The following PLCXD2 variants were observed in gnomAD, a reference collection of about 807,000 sequenced individuals.
The protein encoded by PLCXD2 is PI-PLC X domain-containing protein 2.
PLCXD2 carries 21 observed loss-of-function variants against 28.6 expected under a neutral mutation model. That is an observed-to-expected ratio of 0.73 (90% CI 0.52 to 1.06). The LOEUF is 1.06. Ranked by LOEUF, PLCXD2 falls within the 50% of genes least tolerant of loss-of-function variation. The pLI, the probability that PLCXD2 is intolerant of heterozygous loss-of-function variation, is 0.00. For synonymous variants in PLCXD2, 140 were observed against 150.1 expected, an observed-to-expected ratio of 0.93 and a Z score of 0.49; for missense variants, 369 against 376.7, an observed-to-expected ratio of 0.98 and a Z score of 0.17.
chr3:111,680,923 GATA>G (rs1380522982), intron 1 of PLCXD2, among the ~76,000 whole-genome samples: 2 of 151,984 alleles, frequency 1.3e-5, no homozygotes, highest in East Asian at 1.9e-4. Flanking sequence ...ATAAGCACTA[GATA>G]ATAATAACAA....
chr3:111,688,619 A>T (rs983699185), intron 1 of PLCXD2, among the ~76,000 whole-genome samples: 1 of 152,202 alleles, frequency 6.6e-6, no homozygotes, highest in Admixed American at 6.5e-5. Context: ...TCACATCCTT[A>T]TACTTTCCCT....
At chr3:111,708,424 A>G in intron 2 of PLCXD2, 38 bp downstream of exon 2, 1 of 1,558,644 alleles carries the variant, frequency 6.4e-7, no homozygotes, top group Non-Finnish European at 8.8e-7. Context: ...AAGAGCAAGA[A>G]TTTAACTCTT....
intron 1 of PLCXD2, among the ~76,000 whole-genome samples, chr3:111,681,160 A>C (rs929485618): frequency 2.6e-5 from 4 of 152,202 alleles, no homozygotes; most frequent in African/African-American, 9.6e-5. Flanking sequence ...GAGGCTTTAA[A>C]GTTAAGGGAA....
chr3:111,689,046 A>C (rs1162087789), intron 1 of PLCXD2, among the ~76,000 whole-genome samples: 1 of 152,210 alleles, frequency 6.6e-6, no homozygotes, highest in South Asian at 2.1e-4. Context: ...AATAAAGTAA[A>C]TAAAAGCAGA....
At chr3:111,678,561 A>G (rs1404004791) in intron 1 of PLCXD2, among the ~76,000 whole-genome samples, 1 of 152,186 alleles carries the variant, frequency 6.6e-6, no homozygotes, top group Non-Finnish European at 1.5e-5. Flanking sequence ...CTTTCTTATT[A>G]AAGGTAAACT....
chr3:111,696,959 T>C (rs974691394), intron 1 of PLCXD2, among the ~76,000 whole-genome samples: 2 of 152,172 alleles, frequency 1.3e-5, no homozygotes, highest in Admixed American at 6.5e-5. Flanking sequence ...GGGCTTTTTT[T>C]CCACTGAATA....
intron 1 of PLCXD2, among the ~76,000 whole-genome samples, chr3:111,693,323 C>T (rs1288813922): frequency 6.6e-6 from 1 of 152,194 alleles, no homozygotes; most frequent in East Asian, 1.9e-4. Context: ...CCTCATCAGA[C>T]TCATCTGTGG....
chr3:111,683,185 TCCA>T (rs1366114778), intron 1 of PLCXD2, among the ~76,000 whole-genome samples: 3 of 152,184 alleles, frequency 2.0e-5, no homozygotes, highest in Non-Finnish European at 4.4e-5. Flanking sequence ...AGGTTGGACT[TCCA>T]AGAGCACCCT....
At chr3:111,712,096 A>C (rs1941206798) in intron 2 of PLCXD2, among the ~76,000 whole-genome samples, 1 of 152,132 alleles carries the variant, frequency 6.6e-6, no homozygotes, top group Admixed American at 6.6e-5. Context: ...CAGTTGCTGC[A>C]CCTAGATCCC....
intron 3 of PLCXD2, among the ~76,000 whole-genome samples, chr3:111,716,440 G>A (rs1480783809): frequency 6.6e-6 from 1 of 152,176 alleles, no homozygotes; most frequent in Non-Finnish European, 1.5e-5. Flanking sequence ...GATAAACTTT[G>A]GAGCTAAGAT....
chr3:111,675,476 G>A (rs1940607795), intron 1 of PLCXD2, 68 bp downstream of exon 1: 1 of 1,580,160 alleles, frequency 6.3e-7, no homozygotes, highest in African/African-American at 1.3e-5. Flanking sequence ...TAAGGGGTTG[G>A]GTTGCTTTTC....
rs146579373 is a variant in PLCXD2 at position 111,716,022 on chromosome 3, G to A, written c.866+1894G>A. Among the ~76,000 whole-genome samples the A allele has an allele frequency of 2.8e-3, 429 of 152,200 alleles. 4 individuals carry two copies. Among genetic ancestry groups the A allele is most frequent in the African/African-American group, 9.8e-3 (406 of 41,536 alleles). On this transcript the variant is annotated intron_variant, in intron 3 of 4. Coordinates refer to ENST00000477665, the MANE Select transcript of PLCXD2 (RefSeq NM_001185106.1). The stretch of plus-strand genomic sequence containing the variant: ...ATGAGAGATAATGATGTTGGCATGC[G>A]CCCAAAGCCAAGGGATCCTACTATG...
In PLCXD2 at chr3:111,674,925, C is replaced by T; in HGVS notation, c.-321C>T. ...GTCTTGTGAGTGGCTCCGGGTGTGG[C>T]TGCTCCTCGGACTTTCAGTTTATGT... On this transcript the variant is annotated 5_prime_UTR_variant, in exon 1 of 5. Coordinates refer to ENST00000477665, the MANE Select transcript of PLCXD2 (RefSeq NM_001185106.1). The T allele has an allele frequency of 4.3e-6, 1 of 229,932 alleles. No individual in the cohort carries two copies. Among genetic ancestry groups the T allele is most frequent in the Non-Finnish European group, 8.5e-6 (1 of 117,632 alleles). The allele number at this position is 229,932 out of a possible 1,614,324, so 14.2% of individuals were successfully genotyped here.
intron 2 of PLCXD2, among the ~76,000 whole-genome samples, chr3:111,710,709 T>C (rs1941189120): frequency 6.6e-6 from 1 of 152,190 alleles, no homozygotes; most frequent in African/African-American, 2.4e-5. Flanking sequence ...GCCCCTATTA[T>C]CAGAAGATCT....
intron 1 of PLCXD2, among the ~76,000 whole-genome samples, chr3:111,699,614 G>T (rs1344060359): frequency 6.6e-6 from 1 of 152,122 alleles, no homozygotes; most frequent in African/African-American, 2.4e-5. Context: ...TACCTAGGAG[G>T]CAATAACTAT....
chr3:111,701,364 G>A (rs756437870), intron 1 of PLCXD2, among the ~76,000 whole-genome samples: 1 of 152,146 alleles, frequency 6.6e-6, no homozygotes, highest in Non-Finnish European at 1.5e-5. Flanking sequence ...ACATATTTGG[G>A]GTGAGAAAAT....
At chr3:111,721,260 A>T (rs1941342145) in intron 3 of PLCXD2, 1 of 153,790 alleles carries the variant, frequency 6.5e-6, no homozygotes, top group African/African-American at 2.4e-5. Context: ...TGAGCCGGTG[A>T]AAAAGTTGAA....
At chr3:111,709,465 T>C (rs545622821) in intron 2 of PLCXD2, among the ~76,000 whole-genome samples, 1 of 128,436 alleles carries the variant, frequency 7.8e-6, no homozygotes, top group East Asian at 2.0e-4. Flanking sequence ...TGTGTGTGTA[T>C]ATACACACAC....
chr3:111,691,842 G>T (rs532472281), intron 1 of PLCXD2, among the ~76,000 whole-genome samples: 1 of 152,188 alleles, frequency 6.6e-6, no homozygotes, highest in Non-Finnish European at 1.5e-5. Flanking sequence ...GGTAATCACT[G>T]CCCTGCAGGA....
Sources: allele counts gnomAD v4.1 joint callset (sites outside exome capture counted in the v4.1 genomes callset), GRCh38; gene constraint gnomAD v4.1.1; transcripts MANE v1.5; gene names NCBI Gene and HGNC (gene_info 2026-07-23, HGNC 2026-07-21).